Variants in SPOPL observed in about 807,000 individuals in gnomAD.
The protein encoded by SPOPL is speckle type BTB/POZ protein like, also known as speckle-type POZ protein-like.
Under a neutral mutation model 53.8 loss-of-function variants are expected in SPOPL, and 23 were observed. The observed-to-expected ratio is 0.43, with a 90% CI of 0.31 to 0.61. SPOPL has a LOEUF of 0.61. Ranked by LOEUF, SPOPL falls within the 20% of genes least tolerant of loss-of-function variation. The pLI, the probability that SPOPL is intolerant of heterozygous loss-of-function variation, is 0.12. For missense variants in SPOPL, 442 were observed against 466.9 expected, an observed-to-expected ratio of 0.95 and a Z score of 0.49; for synonymous variants, 164 against 149.7, an observed-to-expected ratio of 1.10 and a Z score of -0.70.
intron 1 of SPOPL, among the ~76,000 whole-genome samples, chr2:138,517,454 T>C (rs1045796529): frequency 1.3e-5 from 2 of 152,124 alleles, no homozygotes; most frequent in African/African-American, 4.8e-5. Context: ...AAGTAAAATA[T>C]TTCTTGCCGG....
At chr2:138,568,193 G>A (rs1023431645) in intron 10 of SPOPL, among the ~76,000 whole-genome samples, 1 of 152,148 alleles carries the variant, frequency 6.6e-6, no homozygotes, top group South Asian at 2.1e-4. Context: ...TAATCCAAAC[G>A]TGAGATGATG....
intron 1 of SPOPL, among the ~76,000 whole-genome samples, chr2:138,532,994 T>C (rs1427240168): frequency 5.3e-5 from 8 of 152,190 alleles, no homozygotes; most frequent in Non-Finnish European, 1.2e-4. Context: ...ATTAATTGTT[T>C]TGATCATTAC....
At chr2:138,511,266 C>T (rs772509487) in intron 1 of SPOPL, among the ~76,000 whole-genome samples, 18 of 152,056 alleles carry the variant, frequency 1.2e-4, no homozygotes, top group Non-Finnish European at 2.2e-4. Context: ...GTCTCTCTGC[C>T]TCTCCCTACC....
At chr2:138,553,577 A>G (rs558667677) in intron 5 of SPOPL, among the ~76,000 whole-genome samples, 1 of 152,278 alleles carries the variant, frequency 6.6e-6, no homozygotes, top group South Asian at 2.1e-4. Context: ...CTTCTTAACT[A>G]TAAGCTGTAA....
At chr2:138,530,537 T>A (rs1361809503) in intron 1 of SPOPL, among the ~76,000 whole-genome samples, 1 of 152,198 alleles carries the variant, frequency 6.6e-6, no homozygotes, top group Non-Finnish European at 1.5e-5. Context: ...TCTCTTAATA[T>A]CATTGTGTAG....
At chr2:138,561,450 G>T (rs190980096) in intron 8 of SPOPL, among the ~76,000 whole-genome samples, 69 of 152,050 alleles carry the variant, frequency 4.5e-4, no homozygotes, top group African/African-American at 1.6e-3. Flanking sequence ...TAAGCCAATG[G>T]TTTTCAATCC....
At position 138,569,129 on chromosome 2, in the gene SPOPL, G is replaced by A; in HGVS notation, c.*49G>A. ...ATGGAATTGACTTTCACTCCTCCAG[G>A]TCCAGAAGGATTCTAATACACAAAC... On this transcript the variant is annotated 3_prime_UTR_variant, in exon 11 of 11. Coordinates refer to ENST00000280098, the MANE Select transcript of SPOPL (RefSeq NM_001001664.3). 3 of 1,589,454 alleles carry A rather than the reference G, an allele frequency of 1.9e-6. No homozygotes were observed. Among genetic ancestry groups the A allele is most frequent in the South Asian group, 2.3e-5 (2 of 88,752 alleles).
chr2:138,537,427 A>G (rs774069649), intron 1 of SPOPL, among the ~76,000 whole-genome samples: 8 of 152,186 alleles, frequency 5.3e-5, no homozygotes, highest in Non-Finnish European at 1.2e-4. Context: ...ATGCTTTTCC[A>G]TACAGTGTCT....
intron 1 of SPOPL, among the ~76,000 whole-genome samples, chr2:138,512,928 T>G (rs888582367): frequency 1.2e-4 from 18 of 152,226 alleles, no homozygotes; most frequent in African/African-American, 4.1e-4. Context: ...GGACTTTATA[T>G]ATACATCTTT....
At chr2:138,546,460 T>C (rs114595796) in intron 1 of SPOPL, among the ~76,000 whole-genome samples, 1,686 of 152,298 alleles carry the variant, frequency 0.011, 34 homozygotes, top group African/African-American at 0.038. Context: ...TTTCTTCTTA[T>C]GAAGAGGAAG....
rs1366727897 is a variant in SPOPL at position 138,565,008 on chromosome 2, G to C, written c.1034+15G>C. 6.2e-7 allele frequency: 1 copy of C among 1,613,588 alleles called. No individual in the cohort carries two copies. Among genetic ancestry groups the C allele is most frequent in the South Asian group, 1.1e-5 (1 of 91,056 alleles). ...TGGAACAGCAAGTAAGATGACATCAGTTTCTGACTCAAAGTTGCTCTACAT... is the reference window on the plus strand; with the variant it reads ...TGGAACAGCAAGTAAGATGACATCACTTTCTGACTCAAAGTTGCTCTACAT... On this transcript the variant is annotated intron_variant, in intron 10 of 10. Coordinates refer to ENST00000280098, the MANE Select transcript of SPOPL (RefSeq NM_001001664.3).
intron 1 of SPOPL, among the ~76,000 whole-genome samples, chr2:138,517,330 T>A (rs1281639826): frequency 6.6e-6 from 1 of 152,214 alleles, no homozygotes; most frequent in Non-Finnish European, 1.5e-5. Context: ...ACCTCTGATC[T>A]CTGACTGCTG....
intron 1 of SPOPL, among the ~76,000 whole-genome samples, chr2:138,540,554 G>T (rs1685047644): frequency 6.6e-6 from 1 of 151,998 alleles, no homozygotes; most frequent in Admixed American, 6.5e-5. Flanking sequence ...GTCTGTTATT[G>T]GTGTATAAGA....
rs570606962 is a variant in SPOPL, at chr2:138,502,484, A to G, written c.-61+365A>G. 3.3e-5 allele frequency among the ~76,000 whole-genome samples: 5 copies of G among 151,836 alleles called. No homozygotes were observed. In the South Asian group the frequency reaches 1.0e-3, roughly 32 times the overall value. On this transcript the variant is annotated intron_variant, in intron 1 of 10. Transcript: ENST00000280098. ...TATACCTCCACACCTGCCCCTTTTT[A>G]CCTGAGTGCTGCCCAAAGGCAGAAA...
At position 138,550,194 on chromosome 2, in the gene SPOPL, T is replaced by G; in HGVS notation, c.-23T>G. On this transcript the variant is annotated 5_prime_UTR_variant, in exon 2 of 11. Transcript: ENST00000280098. ...ACTGTGTGGGGTACTACATAAATCCTGAAAGACTACAATAAAGTGGTGATG... is the reference window on the plus strand; with the variant it reads ...ACTGTGTGGGGTACTACATAAATCCGGAAAGACTACAATAAAGTGGTGATG... 6.2e-7 allele frequency: 1 copy of G among 1,611,214 alleles called. No individual in the cohort carries two copies. The highest frequency in any genetic ancestry group is 8.5e-7 in the Non-Finnish European group (1 of 1,177,960).
intron 1 of SPOPL, among the ~76,000 whole-genome samples, chr2:138,507,458 G>C (rs938165083): frequency 1.3e-5 from 2 of 152,194 alleles, no homozygotes; most frequent in African/African-American, 4.8e-5. Context: ...TGCTGTCGTG[G>C]CAGTTTATTC....
At chr2:138,564,217 T>A (rs575951359) in intron 8 of SPOPL, among the ~76,000 whole-genome samples, 22 of 152,340 alleles carry the variant, frequency 1.4e-4, no homozygotes, top group African/African-American at 4.8e-4. Context: ...AAGGTGAACC[T>A]TATGTGTACT....
chr2:138,536,371 G>A lies in SPOPL; in HGVS notation c.-60-13786G>A, dbSNP rs1684936501. Among the ~76,000 whole-genome samples the A allele has an allele frequency of 2.0e-5, 3 of 151,076 alleles. No individual in the cohort carries two copies. The South Asian group carries it at 6.2e-4, about 31-fold the overall frequency. On this transcript the variant is annotated intron_variant, in intron 1 of 10. Coordinates refer to ENST00000280098, the MANE Select transcript of SPOPL (RefSeq NM_001001664.3). ...CCACACACACACACACGCACACAGT[G>A]TTAAGCCTCTGATGTTGCACCTCTG...
intron 5 of SPOPL, among the ~76,000 whole-genome samples, chr2:138,556,942 G>T (rs866892786): frequency 1.3e-5 from 2 of 152,082 alleles, no homozygotes; most frequent in Non-Finnish European, 2.9e-5. Context: ...AGATCACGAG[G>T]TCAAGAGATC....
Sources: gnomAD v4.1 joint callset for allele counts (sites outside exome capture counted in the v4.1 genomes callset) on GRCh38, gnomAD v4.1.1 for gene constraint, MANE v1.5 for transcripts, NCBI Gene and HGNC (gene_info 2026-07-23, HGNC 2026-07-21) for gene names.